Variants in AP1G1 observed in about 807,000 individuals in gnomAD.
AP1G1 encodes adaptor related protein complex 1 subunit gamma 1.
A neutral mutation model predicts 108.3 loss-of-function variants in AP1G1; 7 were observed. The observed-to-expected ratio is 0.06, with a 90% confidence interval of 0.04 to 0.12. The LOEUF (loss-of-function observed/expected upper bound fraction) is 0.12, where lower values mean the gene tolerates loss of function less well. Ranked by LOEUF, AP1G1 falls within the 10% of genes least tolerant of loss-of-function variation. The pLI is 1.00. For missense variants in AP1G1, 756 were observed against 1,010.7 expected (o/e 0.75, Z 3.42); for synonymous variants, 379 against 353.5 (o/e 1.07, Z -0.81).
At position 71,781,380 on chromosome 16, in the gene AP1G1, C is replaced by G. The variant is rs143113275; in HGVS notation, c.202-6788G>C. Reference sequence around the variant, plus strand: ...CTCAAAATACATAAAAATCACGTAACTGTCACTGACACACCAAGCAGCTTT... The same window carrying G: ...CTCAAAATACATAAAAATCACGTAAGTGTCACTGACACACCAAGCAGCTTT... On this transcript the variant is annotated intron_variant, in intron 2 of 22. Coordinates refer to ENST00000299980, the MANE Select transcript of AP1G1 (RefSeq NM_001128.6). Among the ~76,000 whole-genome samples the G allele has an allele frequency of 6.6e-4, 101 of 152,292 alleles. No homozygotes were observed. The East Asian group carries it at 8.7e-3, about 13-fold the overall frequency.
intron 21 of AP1G1, among the ~76,000 whole-genome samples, chr16:71,736,244 C>T (rs200066664): frequency 6.8e-6 from 1 of 147,796 alleles, no homozygotes; most frequent in South Asian, 2.1e-4. Flanking sequence ...AATCGTAATT[C>T]ACACCATTAT....
intron 10 of AP1G1, among the ~76,000 whole-genome samples, chr16:71,760,479 A>G (rs2031031099): frequency 1.3e-5 from 2 of 149,038 alleles, no homozygotes; most frequent in Admixed American, 6.8e-5. Flanking sequence ...CGGGAGGCGG[A>G]GGTTGCAGTG....
chr16:71,800,856 A>G (rs1342182765), intron 1 of AP1G1, among the ~76,000 whole-genome samples: 1 of 149,304 alleles, frequency 6.7e-6, no homozygotes, highest in East Asian at 2.0e-4. Context: ...TTAGCGGGGC[A>G]TGGTGGCACA....
At chr16:71,803,544 A>T (rs1296154403) in intron 1 of AP1G1, among the ~76,000 whole-genome samples, 6 of 152,138 alleles carry the variant, frequency 3.9e-5, no homozygotes, top group Admixed American at 6.6e-5. Flanking sequence ...GACCCTTCAA[A>T]CTTTAACCAG....
intron 1 of AP1G1, among the ~76,000 whole-genome samples, chr16:71,797,662 A>T (rs982598384): frequency 6.6e-6 from 1 of 152,180 alleles, no homozygotes; most frequent in African/African-American, 2.4e-5. Flanking sequence ...AGCCGGGCGC[A>T]GTGGTGCACG....
chr16:71,733,817 G>A (rs531199252), intron 22 of AP1G1, among the ~76,000 whole-genome samples: 1 of 152,288 alleles, frequency 6.6e-6, no homozygotes, highest in South Asian at 2.1e-4. Context: ...ATGTGAACAT[G>A]ACCTTTTGTT....
chr16:71,762,908 G>A (rs1285748012), intron 9 of AP1G1, among the ~76,000 whole-genome samples: 8 of 152,212 alleles, frequency 5.3e-5, no homozygotes, highest in Admixed American at 4.6e-4. Context: ...TCTGAAGTTG[G>A]GGCGGCGGGG....
chr16:71,805,156 G>A (rs934338314), intron 1 of AP1G1, among the ~76,000 whole-genome samples: 1 of 152,002 alleles, frequency 6.6e-6, no homozygotes, highest in Non-Finnish European at 1.5e-5. Context: ...ATCAAGAACC[G>A]AAAACAGACT....
chr16:71,765,101 G>C (rs2031257834), intron 7 of AP1G1, among the ~76,000 whole-genome samples: 1 of 152,182 alleles, frequency 6.6e-6, no homozygotes, highest in Admixed American at 6.5e-5. Context: ...AGTACTTTGA[G>C]AGGCTGAGGG....
Position 71,770,801 on chromosome 16 carries a change from T to C in AP1G1, c.565+355A>G, listed in dbSNP as rs916943258. ...ATCTTATACTCCTACCACATGATAA[T>C]GGAATTTTTTCTTTTATTGTAAAAT... On this transcript the variant is annotated intron_variant, in intron 5 of 22. Coordinates refer to ENST00000299980, the MANE Select transcript of AP1G1 (RefSeq NM_001128.6). Among the ~76,000 whole-genome samples, 3 of 152,314 alleles carry C rather than the reference T, an allele frequency of 2.0e-5. No homozygotes were observed. In the East Asian group the frequency reaches 5.8e-4, roughly 29 times the overall value.
Position 71,730,426 on chromosome 16 carries a change from A to G in AP1G1, c.*2632T>C, listed in dbSNP as rs1200781194. 2.0e-5 allele frequency: 3 copies of G among 152,334 alleles called. No homozygotes were observed. The highest frequency in any genetic ancestry group is 4.4e-5 in the Non-Finnish European group (3 of 68,028). 9.4% of individuals were successfully genotyped at this position (152,334 alleles called of 1,614,324 possible). A position where few individuals can be genotyped will look rare whatever the true frequency, so the allele number is the denominator to read the frequency against. ...ACTGCTTATCACCCCAGGGTTATCA[A>G]AACAGCCTTGGAAAATGCTCTTTCC... On this transcript the variant is annotated 3_prime_UTR_variant, in exon 23 of 23. Transcript: ENST00000299980.
At chr16:71,796,235 T>A (rs1339802492) in intron 1 of AP1G1, among the ~76,000 whole-genome samples, 1 of 152,106 alleles carries the variant, frequency 6.6e-6, no homozygotes, top group Non-Finnish European at 1.5e-5. Flanking sequence ...TAAGACCGTC[T>A]CAAAAATAAT....
intron 21 of AP1G1, among the ~76,000 whole-genome samples, chr16:71,738,355 G>A (rs992280560): frequency 3.3e-5 from 5 of 151,792 alleles, no homozygotes; most frequent in Non-Finnish European, 7.4e-5. Flanking sequence ...CACTGCACCC[G>A]GCCTCAAGAT....
At chr16:71,748,520 G>T (rs1460598207) in intron 15 of AP1G1, 142 bp from the exon 16 acceptor site, 1 of 1,013,140 alleles carries the variant, frequency 9.9e-7, no homozygotes, top group Non-Finnish European at 1.4e-6. Flanking sequence ...GCTTTGCCAG[G>T]GTAACTGTCC....
chr16:71,755,268 G>C (rs1052435556), intron 12 of AP1G1, among the ~76,000 whole-genome samples: 1 of 151,946 alleles, frequency 6.6e-6, no homozygotes, highest in Admixed American at 6.6e-5. Context: ...TCTACAAAAA[G>C]AAAAAAACAA....
chr16:71,797,370 G>C lies in AP1G1; in HGVS notation c.-3-7888C>G, dbSNP rs1489917798. Among the ~76,000 whole-genome samples the C allele has an allele frequency of 7.2e-5, 11 of 151,872 alleles. No homozygotes were observed. The East Asian group carries it at 1.9e-3, about 27-fold the overall frequency. The stretch of plus-strand genomic sequence containing the variant: ...TAAAACTTGGAATAAAACTTGCTTT[G>C]AAAAAAAGCAAACAAATTAACAAAA... On this transcript the variant is annotated intron_variant, in intron 1 of 22. Coordinates refer to ENST00000299980, the MANE Select transcript of AP1G1 (RefSeq NM_001128.6).
At chr16:71,773,143 T>C in intron 4 of AP1G1, 78 bp downstream of exon 4, 2 of 1,512,962 alleles carry the variant, frequency 1.3e-6, no homozygotes, top group East Asian at 2.3e-5. Context: ...CATCAGATCT[T>C]TCAAAAATGA....
At chr16:71,750,863 T>C (rs932382670) in intron 13 of AP1G1, among the ~76,000 whole-genome samples, 5 of 152,028 alleles carry the variant, frequency 3.3e-5, no homozygotes, top group African/African-American at 1.2e-4. Context: ...AAAAATTTTC[T>C]CTTTGTCCAA....
In AP1G1 at chr16:71,804,053, A is replaced by AT. The variant is rs1332094137; in HGVS notation, c.-4+4709dup. Among the ~76,000 whole-genome samples, 222 of 147,786 alleles carry AT rather than the reference A, an allele frequency of 1.5e-3. 2 individuals are homozygous for AT. The highest frequency in any genetic ancestry group is 0.013 in the East Asian group (66 of 5,084). ...TTTGATAAACATATTTTATTTATTT[A>AT]TTTTTTTTTTGGAGACAAGAGTCTC... On this transcript the variant is annotated intron_variant, in intron 1 of 22. Transcript: ENST00000299980.
Sources: allele counts gnomAD v4.1 joint callset (sites outside exome capture counted in the v4.1 genomes callset), GRCh38; gene constraint gnomAD v4.1.1; transcripts MANE v1.5; gene names NCBI Gene and HGNC (gene_info 2026-07-23, HGNC 2026-07-21).